SYTL5: variants seen among roughly 807,000 people sequenced by gnomAD.
SYTL5 encodes synaptotagmin like 5.
SYTL5 carries 34 observed loss-of-function variants against 55.9 expected under a neutral mutation model. The ratio of observed to expected loss-of-function variants is 0.61; its 90% CI spans 0.46 to 0.81. SYTL5 has a LOEUF of 0.81. Among genes scored for constraint, SYTL5 ranks in the 30% least tolerant of loss-of-function variants. The probability of loss-of-function intolerance (pLI) is 0.00; values close to 1 mark genes in which losing one functional copy is unlikely to be tolerated. For synonymous variants in SYTL5, 221 were observed against 188.7 expected (o/e 1.17, Z -1.40); for missense variants, 637 against 546.7 (o/e 1.17, Z -1.65).
At chrX:37,949,508 G>T in the SYTL5 span, 1 of 111,756 alleles carries the variant, frequency 8.9e-6, no homozygotes, top group Non-Finnish European at 1.9e-5. Flanking sequence ...ATTAAATCTG[G>T]AAAGAGTAAG....
intron 10 of SYTL5, among the ~76,000 whole-genome samples, chrX:38,105,304 C>T (rs1602400996): frequency 8.9e-6 from 1 of 112,908 alleles, no homozygotes; most frequent in East Asian, 2.8e-4. Flanking sequence ...GGACCGGCAC[C>T]CCTGACACAG....
chrX:37,929,295 C>A, the SYTL5 span, among the ~76,000 whole-genome samples: 1 of 111,002 alleles, frequency 9.0e-6, no homozygotes, highest in Non-Finnish European at 1.9e-5. Flanking sequence ...GAGATAAGGG[C>A]TTTTCTTCTC....
the SYTL5 span, among the ~76,000 whole-genome samples, chrX:38,001,064 G>C: frequency 1.8e-5 from 2 of 110,813 alleles, no homozygotes; most frequent in Non-Finnish European, 3.8e-5. Flanking sequence ...CAACATTTGG[G>C]CAGGAAAAAA....
chrX:37,969,000 C>T, the SYTL5 span, among the ~76,000 whole-genome samples: 2 of 111,743 alleles, frequency 1.8e-5, no homozygotes, highest in African/African-American at 6.5e-5. Context: ...TTGCCCTTCC[C>T]TCATATCGAC....
At chrX:38,043,690 TAC>T (rs1555924886) in intron 2 of SYTL5, among the ~76,000 whole-genome samples, 733 of 69,284 alleles carry the variant, frequency 0.011, 16 homozygotes, top group African/African-American at 0.051. Context: ...TATATATATA[TAC>T]ATATATATAT....
At chrX:37,983,670 C>T in the SYTL5 span, among the ~76,000 whole-genome samples, 2 of 112,294 alleles carry the variant, frequency 1.8e-5, no homozygotes, top group Middle Eastern at 4.6e-3. Flanking sequence ...CAACACTCTA[C>T]CCAACAAAGT....
At chrX:38,112,563 C>T (rs1228178249) in intron 13 of SYTL5, among the ~76,000 whole-genome samples, 1 of 112,451 alleles carries the variant, frequency 8.9e-6, no homozygotes, top group Admixed American at 9.4e-5. Flanking sequence ...TCTCTAATCT[C>T]TGCCATCTTC....
chrX:38,015,049 A>G (rs747948135), intron 1 of SYTL5, among the ~76,000 whole-genome samples: 4 of 112,228 alleles, frequency 3.6e-5, no homozygotes, highest in Non-Finnish European at 7.5e-5. Context: ...TCCTTTCACA[A>G]TGTAAAGATT....
the SYTL5 span, among the ~76,000 whole-genome samples, chrX:37,924,612 C>T: frequency 2.7e-5 from 3 of 111,552 alleles, no homozygotes; most frequent in Non-Finnish European, 5.7e-5. Flanking sequence ...GAAGCTTTCC[C>T]TGACTGCCCT....
chrX:38,048,677 T>C (rs1935543200), intron 2 of SYTL5, among the ~76,000 whole-genome samples: 1 of 110,386 alleles, frequency 9.1e-6, no homozygotes, highest in Non-Finnish European at 1.9e-5. Context: ...TATAAAACCA[T>C]CAGATCTCAT....
At chrX:38,037,669 C>A (rs1482072026) in intron 2 of SYTL5, among the ~76,000 whole-genome samples, 2 of 111,217 alleles carry the variant, frequency 1.8e-5, no homozygotes, top group Non-Finnish European at 3.8e-5. Flanking sequence ...GCTTTTCTCC[C>A]TTTATCTCCT....
intron 3 of SYTL5, among the ~76,000 whole-genome samples, chrX:38,057,862 A>G (rs1935836641): frequency 1.8e-5 from 2 of 111,146 alleles, no homozygotes. Flanking sequence ...TTGGTTACCT[A>G]TATTGCAGAT....
At chrX:37,894,942 T>C in the SYTL5 span, among the ~76,000 whole-genome samples, 66 of 111,482 alleles carry the variant, frequency 5.9e-4, no homozygotes, top group Admixed American at 2.0e-3. Context: ...GGATTCTGAC[T>C]GAGTTATACC....
At chrX:38,092,308 C>T (rs1453876754) in intron 7 of SYTL5, among the ~76,000 whole-genome samples, 54 of 111,699 alleles carry the variant, frequency 4.8e-4, no homozygotes, top group Non-Finnish European at 1.1e-4. Context: ...CAACATCCCA[C>T]GATAGGCTGT....
At chrX:38,027,307 G>A (rs1157480523) in intron 1 of SYTL5, among the ~76,000 whole-genome samples, 1 of 112,251 alleles carries the variant, frequency 8.9e-6, no homozygotes, top group African/African-American at 3.2e-5. Context: ...GGCTTTCCAT[G>A]AACTGGGCAA....
At chrX:38,125,545 A>G (rs1937625973) in intron 16 of SYTL5, 39 bp downstream of exon 16, 2 of 1,088,097 alleles carry the variant, frequency 1.8e-6, no homozygotes, top group Non-Finnish European at 2.5e-6. Flanking sequence ...GTCTGTGACT[A>G]GGCCCAGGTG....
intron 3 of SYTL5, among the ~76,000 whole-genome samples, chrX:38,056,095 C>A (rs1935771458): frequency 8.9e-6 from 1 of 111,797 alleles, no homozygotes; most frequent in African/African-American, 3.2e-5. Context: ...TGTTAGCCAT[C>A]TCCACTTCCC....
chrX:37,948,155 C>T, the SYTL5 span, among the ~76,000 whole-genome samples: 3 of 110,542 alleles, frequency 2.7e-5, no homozygotes, highest in Non-Finnish European at 5.7e-5. Context: ...TCATTTAGAT[C>T]CTGCATAATT....
At chrX:37,951,749 C>A in the SYTL5 span, among the ~76,000 whole-genome samples, 4 of 111,094 alleles carry the variant, frequency 3.6e-5, no homozygotes, top group South Asian at 3.8e-4. Flanking sequence ...TAGGGCCAGA[C>A]CTTGAGGGTC....
Sources: gnomAD v4.1 joint callset for allele counts (sites outside exome capture counted in the v4.1 genomes callset) on GRCh38, gnomAD v4.1.1 for gene constraint, MANE v1.5 for transcripts, NCBI Gene and HGNC (gene_info 2026-07-23, HGNC 2026-07-21) for gene names.